The following RYR3 variants were observed in gnomAD, a reference collection of about 807,000 sequenced individuals.
RYR3 encodes the protein ryanodine receptor 3.
In RYR3, 207 loss-of-function variants were observed where a neutral mutation model predicts 584.3. The ratio of observed to expected loss-of-function variants is 0.35; its 90% CI spans 0.32 to 0.40. The LOEUF is 0.40. Ranked by LOEUF, RYR3 falls within the 10% of genes least tolerant of loss-of-function variation. RYR3 has a pLI of 1.00. For missense variants in RYR3, 5,616 were observed against 6,089.2 expected, an observed-to-expected ratio of 0.92 and a Z score of 2.59; for synonymous variants, 2,416 against 2,248.5, an observed-to-expected ratio of 1.07 and a Z score of -2.11.
Position 33,821,352 on chromosome 15 carries a change from T to A in RYR3, c.10898T>A (p.Met3633Lys). The stretch of plus-strand genomic sequence containing the variant: ...GGTGCTGCAGAGATGGTCCTTCAGA[T>A]GATAAGCGCTAGCAAAGGTGATTTC... Reference protein sequence around the residue: ...ERGAAEMVLQMISASKGEMSP... With the variant: ...ERGAAEMVLQKISASKGEMSP... Residue 3633 changes from methionine to lysine, a missense_variant, in exon 79 of 104, where the codon ATG becomes AAG. Physicochemically the swap from Met to Lys is moderately conservative, Grantham distance 95 (BLOSUM62 -1). Coordinates refer to ENST00000634891, the MANE Select transcript of RYR3 (RefSeq NM_001036.6). 2 of 1,602,372 alleles carry A rather than the reference T, an allele frequency of 1.2e-6. No individual in the cohort carries two copies. Among genetic ancestry groups the A allele is most frequent in the Non-Finnish European group, 1.7e-6 (2 of 1,174,390 alleles).
At chr15:33,338,965 T>C (rs929686784) in intron 1 of RYR3, among the ~76,000 whole-genome samples, 4 of 152,154 alleles carry the variant, frequency 2.6e-5, no homozygotes, top group African/African-American at 9.6e-5. Flanking sequence ...CTGACAAAAC[T>C]GCACATTAAG....
chr15:33,640,307 G>A (rs888995470), intron 27 of RYR3, among the ~76,000 whole-genome samples: 6 of 152,200 alleles, frequency 3.9e-5, no homozygotes, highest in Non-Finnish European at 7.3e-5. Context: ...AGCGTGGCCT[G>A]TTGTTTCCTT....
chr15:33,662,367 A>G lies in RYR3; in HGVS notation c.4837A>G (p.Ile1613Val). 6.2e-7 allele frequency: 1 copy of G among 1,613,146 alleles called. No individual in the cohort carries two copies. Among genetic ancestry groups the G allele is most frequent in the South Asian group, 1.1e-5 (1 of 90,804 alleles). Residue 1613 changes from isoleucine (I) to valine (V), a missense_variant, in exon 35 of 104, where the codon ATC becomes GTC. Transcript: ENST00000634891. Reference sequence around the variant, plus strand: ...TGGTTTCTATGACCTGCTCATCAGCATCCACCTGGCCAGCGCCAAGGAGAG... The same window carrying G: ...TGGTTTCTATGACCTGCTCATCAGCGTCCACCTGGCCAGCGCCAAGGAGAG... ...RSGFYDLLIS[I>V]HLASAKERKL...
intron 16 of RYR3, among the ~76,000 whole-genome samples, chr15:33,595,778 C>T (rs2059341409): frequency 6.6e-6 from 1 of 152,056 alleles, no homozygotes. Flanking sequence ...TTTAAAAGCA[C>T]ATACAGGAAG....
chr15:33,843,647 TG>T, intron 92 of RYR3, 73 bp downstream of exon 92: 1 of 1,051,602 alleles, frequency 9.5e-7, no homozygotes, highest in Non-Finnish European at 1.4e-6. Flanking sequence ...AAAAGAATCA[TG>T]ACAGAATTTG....
chr15:33,537,076 C>T (rs2055394012), intron 5 of RYR3, among the ~76,000 whole-genome samples: 1 of 152,126 alleles, frequency 6.6e-6, no homozygotes. Flanking sequence ...CTTTTATTTG[C>T]AAATGAGCCA....
In RYR3 at chr15:33,311,759, C is replaced by T. The variant is rs903680054; in HGVS notation, c.51+663C>T. Among the ~76,000 whole-genome samples, 27 of 152,226 alleles carry T rather than the reference C, an allele frequency of 1.8e-4. No individual in the cohort carries two copies. Among genetic ancestry groups the T allele is most frequent in the Admixed American group, 2.0e-4 (3 of 15,290 alleles). On this transcript the variant is annotated intron_variant, in intron 1 of 103. Transcript: ENST00000634891. This position sits in a 1 kb window ranked among gnomAD's most constrained non-coding sequence, Gnocchi z 4.4. ...AGCTGTGGCTTCTGCTCCTGGCTCC[C>T]GCGAGCCCCGCAGGACAGGGAAACC...
intron 1 of RYR3, among the ~76,000 whole-genome samples, chr15:33,463,904 C>G (rs1192191606): frequency 1.3e-5 from 2 of 152,126 alleles, no homozygotes; most frequent in African/African-American, 2.4e-5. Flanking sequence ...GCAAACAATT[C>G]CAGATGAGAC....
In RYR3 at chr15:33,662,945, G is replaced by A. The variant is rs369794548; in HGVS notation, c.5415G>A (p.Leu1805=). 5 of 1,611,068 alleles carry A rather than the reference G, an allele frequency of 3.1e-6. No individual in the cohort carries two copies. The African/African-American group carries it at 6.7e-5, about 21-fold the overall frequency. Residue 1805 remains leucine (L), a synonymous_variant, in exon 35 of 104, where the codon CTG becomes CTA. Coordinates refer to ENST00000634891, the MANE Select transcript of RYR3 (RefSeq NM_001036.6). ...LQTRLPESVK[L]QMCELLSYLC... is the part of the protein sequence containing the mutation. ...CTCGATTACCCGAATCCGTCAAGCT[G>A]CAGGTAAGCTGCAGGTGGTTAAGTG...
At position 33,414,520 on chromosome 15, in the gene RYR3, G is replaced by A. The variant is rs185369196; in HGVS notation, c.52-58899G>A. On this transcript the variant is annotated intron_variant, in intron 1 of 103. Transcript: ENST00000634891. Reference sequence around the variant, plus strand: ...ACAGCTTCCTCAACATTTTGGGTGTGAGTGAAGCCAGACAATATTTGAATC... The same window carrying A: ...ACAGCTTCCTCAACATTTTGGGTGTAAGTGAAGCCAGACAATATTTGAATC... 1.7e-3 allele frequency among the ~76,000 whole-genome samples: 261 copies of A among 152,302 alleles called. 1 individual carries two copies. The highest frequency in any genetic ancestry group is 0.014 in the Middle Eastern group (4 of 294).
chr15:33,384,454 T>C (rs1230224018), intron 1 of RYR3, among the ~76,000 whole-genome samples: 2 of 139,990 alleles, frequency 1.4e-5, no homozygotes, highest in Non-Finnish European at 3.1e-5. Context: ...TTAATATAAT[T>C]ATAATATTAT....
chr15:33,602,562 A>AGT lies in RYR3; in HGVS notation c.1923-561_1923-560insGT, dbSNP rs571504597. On this transcript the variant is annotated intron_variant, in intron 17 of 103. Coordinates refer to ENST00000634891, the MANE Select transcript of RYR3 (RefSeq NM_001036.6). ...AAAAACAAAGGTTTGTAATCTTACA[A>AGT]ATCTGTATAACATTTCAGCATCGTT... Among the ~76,000 whole-genome samples the AGT allele has an allele frequency of 3.3e-5, 5 of 152,144 alleles. No homozygotes were observed. In the South Asian group the frequency reaches 1.0e-3, roughly 32 times the overall value.
At chr15:33,827,451 A>G (rs532767199) in intron 85 of RYR3, among the ~76,000 whole-genome samples, 164 bp downstream of exon 85, 5 of 152,356 alleles carry the variant, frequency 3.3e-5, no homozygotes, top group African/African-American at 1.2e-4. Flanking sequence ...CCCAAAGAGT[A>G]TATTTGAAGA....
chr15:33,494,791 CAGA>C (rs1293039380), intron 2 of RYR3, among the ~76,000 whole-genome samples: 1 of 152,174 alleles, frequency 6.6e-6, no homozygotes, highest in Non-Finnish European at 1.5e-5. Context: ...TAGTTTTCTT[CAGA>C]AGAACTTTCC....
chr15:33,455,884 C>T (rs2047514985), intron 1 of RYR3, among the ~76,000 whole-genome samples: 1 of 152,126 alleles, frequency 6.6e-6, no homozygotes, highest in Non-Finnish European at 1.5e-5. Flanking sequence ...AGCCACGAAG[C>T]TCAAGTCCAT....
chr15:33,598,794 C>T (rs1463189797), intron 16 of RYR3, among the ~76,000 whole-genome samples: 4 of 151,928 alleles, frequency 2.6e-5, no homozygotes, highest in Non-Finnish European at 5.9e-5. Context: ...TGGCTCACGC[C>T]TGTAATCCCA....
At chr15:33,725,180 C>CACACACACATATAT (rs1555427025) in intron 45 of RYR3, among the ~76,000 whole-genome samples, 33 of 143,896 alleles carry the variant, frequency 2.3e-4, no homozygotes, top group Admixed American at 5.5e-4. Context: ...CACACACACA[C>CACACACACATATAT]ACACACACAC....
intron 22 of RYR3, among the ~76,000 whole-genome samples, chr15:33,630,704 A>C (rs2061221735): frequency 6.6e-6 from 1 of 152,234 alleles, no homozygotes; most frequent in African/African-American, 2.4e-5. Context: ...TCATGCCCTT[A>C]CAGGCATCAT....
intron 1 of RYR3, among the ~76,000 whole-genome samples, chr15:33,336,827 G>T (rs527778231): frequency 2.0e-5 from 3 of 151,712 alleles, no homozygotes; most frequent in African/African-American, 7.2e-5. Context: ...AGGCTGAGGC[G>T]GGCGGATCAC....
Sources: allele counts gnomAD v4.1 joint callset (sites outside exome capture counted in the v4.1 genomes callset), GRCh38; gene constraint gnomAD v4.1.1; non-coding constraint Gnocchi (gnomAD v3.1); transcripts MANE v1.5; gene names NCBI Gene and HGNC (gene_info 2026-07-23, HGNC 2026-07-21).